The following EIPR1 variants were observed in gnomAD, a reference collection of about 807,000 sequenced individuals.
EIPR1 encodes EARP complex and GARP complex interacting protein 1, also known as EARP and GARP complex-interacting protein 1.
Under a neutral mutation model 48.1 loss-of-function variants are expected in EIPR1, and 25 were observed. That is an observed-to-expected ratio of 0.52 (90% CI 0.38 to 0.73). The LOEUF (loss-of-function observed/expected upper bound fraction) is 0.73, where lower values mean the gene tolerates loss of function less well. EIPR1 is among the 30% of genes least tolerant of loss of function. The pLI is 0.00. For synonymous variants in EIPR1, 204 were observed against 201.9 expected (o/e 1.01, Z -0.09); for missense variants, 415 against 506.2 (o/e 0.82, Z 1.73).
intron 4 of EIPR1, among the ~76,000 whole-genome samples, chr2:3,223,126 A>G (rs552390997): frequency 4.6e-5 from 7 of 152,298 alleles, no homozygotes; most frequent in Non-Finnish European, 7.4e-5. Flanking sequence ...ATAGCTTACA[A>G]TAAAATGCGT....
chr2:3,221,449 A>C (rs371484828), intron 4 of EIPR1, among the ~76,000 whole-genome samples: 5 of 3,490 alleles, frequency 1.4e-3, no homozygotes, highest in African/African-American at 1.5e-3. Flanking sequence ...CACACGCACA[A>C]AATGGCCGAG....
chr2:3,375,830 A>T (rs978211956), intron 1 of EIPR1, among the ~76,000 whole-genome samples: 1 of 152,232 alleles, frequency 6.6e-6, no homozygotes, highest in Admixed American at 6.5e-5. Context: ...GTACAGTGCT[A>T]AGCAGAGTGT....
intron 2 of EIPR1, among the ~76,000 whole-genome samples, chr2:3,338,531 A>G (rs11888929): frequency 0.25 from 37,460 of 152,068 alleles, 4,834 homozygotes; most frequent in Non-Finnish European, 0.27. Flanking sequence ...CCTGCTGCAC[A>G]GCTGCTGGGG....
chr2:3,299,622 TCTCACACACA>T lies in EIPR1; in HGVS notation c.259+38385_259+38394del, dbSNP rs1056724790. Among the ~76,000 whole-genome samples, 8 of 141,046 alleles carry T rather than the reference TCTCACACACA, an allele frequency of 5.7e-5. 1 individual carries two copies. Among genetic ancestry groups the T allele is most frequent in the Admixed American group, 1.4e-4 (2 of 14,336 alleles). The allele number at this position is 141,046 out of a possible 152,430, so 92.5% of individuals were successfully genotyped here. A position where few individuals can be genotyped will look rare whatever the true frequency, so the allele number is the denominator to read the frequency against. ...AATATTTTCTCTCTCTCTCTCTCTC[TCTCACACACA>T]CACACACACACACACACACACACAC... On this transcript the variant is annotated intron_variant, in intron 3 of 8. Coordinates refer to ENST00000382125, the MANE Select transcript of EIPR1 (RefSeq NM_003310.5).
At chr2:3,191,833 T>G (rs1048782418) in intron 8 of EIPR1, among the ~76,000 whole-genome samples, 5 of 152,214 alleles carry the variant, frequency 3.3e-5, no homozygotes, top group Admixed American at 3.3e-4. Context: ...GAAAAAGCTT[T>G]GGGAAAATCC....
At chr2:3,338,839 T>C (rs141928253) in intron 2 of EIPR1, among the ~76,000 whole-genome samples, 1 of 152,352 alleles carries the variant, frequency 6.6e-6, no homozygotes, top group African/African-American at 2.4e-5. Context: ...TTAAAATGAT[T>C]TCACATTTAA....
intron 3 of EIPR1, among the ~76,000 whole-genome samples, chr2:3,287,343 CTG>C (rs1668224319): frequency 2.6e-5 from 4 of 151,432 alleles, no homozygotes; most frequent in Non-Finnish European, 5.9e-5. Flanking sequence ...AGCTCGTTCA[CTG>C]CGCTCCAGAA....
intron 4 of EIPR1, among the ~76,000 whole-genome samples, chr2:3,218,714 G>A (rs900072686): frequency 3.6e-4 from 43 of 119,854 alleles, no homozygotes; most frequent in Middle Eastern, 7.1e-3. Context: ...GCCCTGATAC[G>A]CTCTAGAGCT....
intron 3 of EIPR1, among the ~76,000 whole-genome samples, chr2:3,260,316 C>CT (rs1356481638): frequency 6.6e-6 from 1 of 152,088 alleles, no homozygotes. Flanking sequence ...CATGGTGAAA[C>CT]CCCGTCTCTA....
intron 5 of EIPR1, among the ~76,000 whole-genome samples, chr2:3,201,461 C>A (rs1665032358): frequency 6.6e-6 from 1 of 152,218 alleles, no homozygotes; most frequent in Non-Finnish European, 1.5e-5. Context: ...ACGTTTGCGG[C>A]AAGGGTGCAG....
Position 3,196,861 on chromosome 2 carries a change from C to A in EIPR1, c.653+20G>T. 1 of 1,611,224 alleles carries A rather than the reference C, an allele frequency of 6.2e-7. No homozygotes were observed. The highest frequency in any genetic ancestry group is 8.5e-7 in the Non-Finnish European group (1 of 1,178,898). On this transcript the variant is annotated intron_variant, in intron 6 of 8. Coordinates refer to ENST00000382125, the MANE Select transcript of EIPR1 (RefSeq NM_003310.5). ...GAGGGAGGAAAGGAAGTGGGGCCTG[C>A]GCCGGGTGGGCTCACTGACCTCATG...
intron 3 of EIPR1, among the ~76,000 whole-genome samples, chr2:3,317,110 T>C (rs1180727174): frequency 2.7e-5 from 4 of 150,476 alleles, no homozygotes; most frequent in Non-Finnish European, 5.9e-5. Flanking sequence ...GCCTACTGTG[T>C]GCCTTGCATG....
intron 3 of EIPR1, among the ~76,000 whole-genome samples, chr2:3,325,040 TC>T (rs1037450078): frequency 6.6e-6 from 1 of 152,192 alleles, no homozygotes; most frequent in Non-Finnish European, 1.5e-5. Flanking sequence ...AACTGCCTGA[TC>T]AGTTCTGTCT....
At chr2:3,348,074 G>A (rs111345677) in intron 2 of EIPR1, among the ~76,000 whole-genome samples, 215 of 152,252 alleles carry the variant, frequency 1.4e-3, no homozygotes, top group Non-Finnish European at 2.0e-3. Context: ...CAGGCGGGGG[G>A]GCTGCAGGAA....
chr2:3,238,436 C>T (rs964660351), intron 4 of EIPR1, among the ~76,000 whole-genome samples: 3 of 152,182 alleles, frequency 2.0e-5, no homozygotes, highest in Non-Finnish European at 4.4e-5. Context: ...CTGTGGGTCC[C>T]TGTGGGGATG....
intron 3 of EIPR1, among the ~76,000 whole-genome samples, chr2:3,276,135 A>T (rs1667840821): frequency 6.6e-6 from 1 of 152,198 alleles, no homozygotes; most frequent in Non-Finnish European, 1.5e-5. Flanking sequence ...ACACAGATAA[A>T]TTGTCAAGAT....
intron 3 of EIPR1, among the ~76,000 whole-genome samples, chr2:3,295,323 A>G (rs1296967912): frequency 1.2e-5 from 1 of 80,868 alleles, no homozygotes; most frequent in Admixed American, 1.5e-4. Context: ...CATCCAGCCC[A>G]TCCTCTCTAC....
chr2:3,258,912 A>G (rs1309557237), intron 3 of EIPR1, among the ~76,000 whole-genome samples: 1 of 152,112 alleles, frequency 6.6e-6, no homozygotes, highest in Non-Finnish European at 1.5e-5. Flanking sequence ...TCTGTCTACA[A>G]GGGAATTTTA....
At chr2:3,268,476 T>C (rs901227453) in intron 3 of EIPR1, among the ~76,000 whole-genome samples, 5 of 152,208 alleles carry the variant, frequency 3.3e-5, no homozygotes, top group African/African-American at 1.2e-4. Context: ...AAGATGTTCC[T>C]TCCTGGGCTG....
Sources: gnomAD v4.1 joint callset for allele counts (sites outside exome capture counted in the v4.1 genomes callset) on GRCh38, gnomAD v4.1.1 for gene constraint, MANE v1.5 for transcripts, NCBI Gene and HGNC (gene_info 2026-07-23, HGNC 2026-07-21) for gene names.